The following RAD51 variants were observed in gnomAD, a reference collection of about 807,000 sequenced individuals.
The protein encoded by RAD51 is DNA repair protein RAD51 homolog 1.
Under a neutral mutation model 41.5 loss-of-function variants are expected in RAD51, and 14 were observed. The ratio of observed to expected loss-of-function variants is 0.34; its 90% CI spans 0.22 to 0.53. The LOEUF (loss-of-function observed/expected upper bound fraction) is 0.53. Ranked by LOEUF, RAD51 falls within the 20% of genes least tolerant of loss-of-function variation. RAD51 has a pLI of 0.95. For synonymous variants in RAD51, 136 were observed against 148.6 expected, an observed-to-expected ratio of 0.92 and a Z score of 0.62; for missense variants, 234 against 422.0, an observed-to-expected ratio of 0.55 and a Z score of 3.90.
chr15:40,723,147 T>C (rs892317780), intron 6 of RAD51, among the ~76,000 whole-genome samples: 2 of 152,130 alleles, frequency 1.3e-5, no homozygotes, highest in African/African-American at 4.8e-5. Flanking sequence ...ATTGAAACCA[T>C]GGTGAGCTAC....
At chr15:40,719,210 A>G (rs1896142369) in intron 6 of RAD51, among the ~76,000 whole-genome samples, 1 of 151,808 alleles carries the variant, frequency 6.6e-6, no homozygotes, top group Non-Finnish European at 1.5e-5. Flanking sequence ...GGCGCACACC[A>G]CCACACCCAG....
At chr15:40,696,753 C>T (rs1360450375) in intron 1 of RAD51, among the ~76,000 whole-genome samples, 1 of 152,202 alleles carries the variant, frequency 6.6e-6, no homozygotes, top group Non-Finnish European at 1.5e-5. Context: ...CGTTGTTTCA[C>T]ATGCTTGCCA....
rs139387556 is a variant in RAD51, at chr15:40,700,931, C to T, written c.88-133C>T. On this transcript the variant is annotated intron_variant, in intron 2 of 9. Transcript: ENST00000267868. ...GAACCAACTTCCCATCTCCCCCCGC[C>T]CCCCCAAGGATTTCAAGGGACAGTT... The T allele has an allele frequency of 1.7e-3, 1,329 of 785,170 alleles. 55 individuals carry two copies. Among genetic ancestry groups the T allele is most frequent in the Non-Finnish European group, 2.4e-3 (1,241 of 508,744 alleles). 48.6% of individuals were successfully genotyped at this position (785,170 alleles called of 1,614,324 possible).
chr15:40,701,139 G>T lies in RAD51; in HGVS notation c.163G>T (p.Ala55Ser). The T allele has an allele frequency of 6.2e-7, 1 of 1,614,198 alleles. No individual in the cohort carries two copies. The highest frequency in any genetic ancestry group is 8.5e-7 in the Non-Finnish European group (1 of 1,180,030). The stretch of plus-strand genomic sequence containing the variant: ...CCATACTGTGGAGGCTGTTGCCTAT[G>T]CGCCAAAGAAGGAGCTAATAAATAT... ...GFHTVEAVAY[A>S]PKKELINIKG... is the part of the protein sequence containing the mutation. Residue 55 changes from alanine (A) to serine (S), a missense_variant, in exon 3 of 10, where the codon GCG becomes TCG. Physicochemically the swap from Ala to Ser is moderately conservative, Grantham distance 99. Around this residue, in one of 2 missense-constraint regions of RAD51, gnomAD observed 100 missense variants for 135.5 expected, o/e 0.74. Transcript: ENST00000267868.
At chr15:40,712,879 T>TTC (rs1268535540) in intron 5 of RAD51, among the ~76,000 whole-genome samples, 13 of 129,878 alleles carry the variant, frequency 1.0e-4, no homozygotes, top group Non-Finnish European at 1.2e-4. Context: ...TTTCTTTTCT[T>TTC]TTTTTTTTTT....
chr15:40,730,339 T>C (rs1228261265), intron 9 of RAD51, among the ~76,000 whole-genome samples: 1 of 151,840 alleles, frequency 6.6e-6, no homozygotes, highest in Non-Finnish European at 1.5e-5. Flanking sequence ...GTGAGGCCTC[T>C]GTCTCTACAA....
At chr15:40,709,171 TATTTGCAAGC>T in intron 5 of RAD51, 55 bp downstream of exon 5, 2 of 1,454,464 alleles carry the variant, frequency 1.4e-6, no homozygotes, top group South Asian at 2.3e-5. Flanking sequence ...TCATTCCTGC[TATTTGCAAGC>T]ATCTGTTAGG....
intron 3 of RAD51, chr15:40,701,674 C>G (rs1895004220): frequency 4.5e-6 from 1 of 220,472 alleles, no homozygotes; most frequent in Non-Finnish European, 9.2e-6. Flanking sequence ...ATACATACTT[C>G]CCCATGGTTA....
chr15:40,708,122 ATTC>A (rs1895471640), intron 4 of RAD51, among the ~76,000 whole-genome samples: 1 of 139,930 alleles, frequency 7.1e-6, no homozygotes, highest in Admixed American at 7.8e-5. Context: ...GGTTCAAGCT[ATTC>A]TTCTGCCTCC....
chr15:40,710,676 T>C (rs1246633754), intron 5 of RAD51, among the ~76,000 whole-genome samples: 1 of 152,186 alleles, frequency 6.6e-6, no homozygotes, highest in Non-Finnish European at 1.5e-5. Context: ...ATCAGAACTT[T>C]ATGCTCCTCT....
At chr15:40,700,734 T>C (rs116785502) in intron 2 of RAD51, among the ~76,000 whole-genome samples, 36 of 152,328 alleles carry the variant, frequency 2.4e-4, no homozygotes, top group African/African-American at 7.5e-4. Context: ...AGGCTCTCTG[T>C]ATCTCCGGAT....
chr15:40,695,211 A>G lies in RAD51; in HGVS notation c.-217A>G, dbSNP rs1270399844. ...CGCTGGCGGACCGCGCGCAGCGGCC[A>G]GAGACCGAGCCCTAAGGAGAGTGCG... On this transcript the variant is annotated 5_prime_UTR_variant, in exon 1 of 10. Transcript: ENST00000267868. 2 of 152,386 alleles carry G rather than the reference A, an allele frequency of 1.3e-5. No individual in the cohort carries two copies. The highest frequency in any genetic ancestry group is 2.9e-5 in the Non-Finnish European group (2 of 68,154). The allele number at this position is 152,386 out of a possible 1,614,324, so 9.4% of individuals were successfully genotyped here. A position where few individuals can be genotyped will look rare whatever the true frequency, so the allele number is the denominator to read the frequency against.
At chr15:40,720,539 G>A (rs778710590) in intron 6 of RAD51, among the ~76,000 whole-genome samples, 1 of 152,184 alleles carries the variant, frequency 6.6e-6, no homozygotes. Flanking sequence ...AATGGAAGAA[G>A]GAAAACTATT....
chr15:40,703,318 C>T lies in RAD51; in HGVS notation c.225+2117C>T, dbSNP rs45481096. ...CTCAAAATCCTGGCCTCAGGTAATC[C>T]GCCCATCTCAGTATCCCAAAGTGCT... On this transcript the variant is annotated intron_variant, in intron 3 of 9. Coordinates refer to ENST00000267868, the MANE Select transcript of RAD51 (RefSeq NM_002875.5). Among the ~76,000 whole-genome samples the T allele has an allele frequency of 2.6e-5, 4 of 152,218 alleles. No homozygotes were observed. The South Asian group carries it at 8.3e-4, about 32-fold the overall frequency.
At chr15:40,722,196 T>C (rs1300124148) in intron 6 of RAD51, among the ~76,000 whole-genome samples, 1 of 151,960 alleles carries the variant, frequency 6.6e-6, no homozygotes, top group African/African-American at 2.4e-5. Flanking sequence ...TGGATCACCT[T>C]AGGTCAGGAG....
intron 3 of RAD51, among the ~76,000 whole-genome samples, chr15:40,703,890 G>A (rs1282649115): frequency 6.6e-6 from 1 of 151,746 alleles, no homozygotes; most frequent in Non-Finnish European, 1.5e-5. Context: ...TTCTTTGGAA[G>A]GTTAGGTTAT....
At chr15:40,695,502 T>A (rs1894560649) in intron 1 of RAD51, 77 bp downstream of exon 1, 1 of 151,980 alleles carries the variant, frequency 6.6e-6, no homozygotes, top group Non-Finnish European at 1.5e-5. Flanking sequence ...GCCGGTCCAG[T>A]GCTCAGCGGC....
intron 5 of RAD51, among the ~76,000 whole-genome samples, chr15:40,713,147 G>T (rs1348458015): frequency 2.0e-5 from 3 of 151,180 alleles, no homozygotes; most frequent in East Asian, 1.9e-4. Context: ...CTCCCAAAGT[G>T]CTGGGATTAC....
At chr15:40,699,645 C>T (rs1894860887) in intron 2 of RAD51, among the ~76,000 whole-genome samples, 1 of 152,166 alleles carries the variant, frequency 6.6e-6, no homozygotes, top group Admixed American at 6.5e-5. Flanking sequence ...TTATAGCGGC[C>T]TGGACCAGTT....
Sources: allele counts gnomAD v4.1 joint callset (sites outside exome capture counted in the v4.1 genomes callset), GRCh38; gene constraint gnomAD v4.1.1; regional missense constraint gnomAD v4.1.1; transcripts MANE v1.5; gene names NCBI Gene and HGNC (gene_info 2026-07-23, HGNC 2026-07-21).